The following ANGPT1 variants were observed in gnomAD, a reference collection of about 807,000 sequenced individuals.
ANGPT1 encodes angiopoietin-1.
A neutral mutation model predicts 62.2 loss-of-function variants in ANGPT1; 17 were observed. The ratio of observed to expected loss-of-function variants is 0.27; its 90% CI spans 0.19 to 0.41. The LOEUF (loss-of-function observed/expected upper bound fraction) is 0.41, where lower values mean the gene tolerates loss of function less well. ANGPT1 is among the 10% of genes least tolerant of loss of function. The pLI is 1.00. For synonymous variants in ANGPT1, 199 were observed against 198.9 expected (o/e 1.00, Z 0.00); for missense variants, 478 against 594.9 (o/e 0.80, Z 2.04).
intron 7 of ANGPT1, among the ~76,000 whole-genome samples, chr8:107,280,864 T>G (rs1031659658): frequency 6.6e-6 from 1 of 152,120 alleles, no homozygotes; most frequent in Non-Finnish European, 1.5e-5. Context: ...ATGGAAGATA[T>G]ATATGAGAGT....
At chr8:107,417,346 C>G (rs1176794227) in intron 1 of ANGPT1, among the ~76,000 whole-genome samples, 3 of 152,016 alleles carry the variant, frequency 2.0e-5, no homozygotes, top group Admixed American at 6.6e-5. Context: ...ATGGGAAGGC[C>G]AGTTAGGGGC....
At chr8:107,449,400 G>GCGCA (rs111897179) in intron 1 of ANGPT1, among the ~76,000 whole-genome samples, 19 of 148,106 alleles carry the variant, frequency 1.3e-4, no homozygotes, top group Non-Finnish European at 2.7e-4. Flanking sequence ...ACACACACAT[G>GCGCA]CACACACACA....
At chr8:107,480,857 C>A (rs1346951168) in intron 1 of ANGPT1, among the ~76,000 whole-genome samples, 1 of 152,094 alleles carries the variant, frequency 6.6e-6, no homozygotes, top group Non-Finnish European at 1.5e-5. Context: ...CCAATATGAT[C>A]CTGAAGATAA....
chr8:107,348,803 G>A (rs962012515), intron 1 of ANGPT1, among the ~76,000 whole-genome samples: 3 of 152,176 alleles, frequency 2.0e-5, no homozygotes, highest in East Asian at 3.9e-4. Context: ...TTATCGTTTT[G>A]CCCTTCGGAA....
chr8:107,302,467 A>G (rs1814615266), intron 5 of ANGPT1, among the ~76,000 whole-genome samples: 1 of 151,928 alleles, frequency 6.6e-6, no homozygotes. Context: ...TTCTATCACT[A>G]TACTTATTGA....
chr8:107,432,393 G>A (rs570124767), intron 1 of ANGPT1, among the ~76,000 whole-genome samples: 4 of 152,246 alleles, frequency 2.6e-5, no homozygotes, highest in South Asian at 2.1e-4. Flanking sequence ...GGCTGGGCAC[G>A]GTGGCTCACG....
intron 2 of ANGPT1, chr8:107,336,532 G>A: frequency 1.3e-5 from 4 of 303,846 alleles, no homozygotes; most frequent in Non-Finnish European, 2.2e-5. Flanking sequence ...GGGCGTGGTA[G>A]CGGGCGCCTG....
At chr8:107,446,490 A>T (rs1811624172) in intron 1 of ANGPT1, among the ~76,000 whole-genome samples, 1 of 152,194 alleles carries the variant, frequency 6.6e-6, no homozygotes, top group Non-Finnish European at 1.5e-5. Context: ...TGGGGCTATC[A>T]GGAAAATTGA....
At chr8:107,440,191 T>C (rs1340844567) in intron 1 of ANGPT1, among the ~76,000 whole-genome samples, 1 of 152,116 alleles carries the variant, frequency 6.6e-6, no homozygotes, top group African/African-American at 2.4e-5. Flanking sequence ...GGGTGGTACA[T>C]AAAATTGAGG....
At chr8:107,264,111 C>T (rs1813558634) in intron 8 of ANGPT1, 110 bp downstream of exon 8, 6 of 1,334,852 alleles carry the variant, frequency 4.5e-6, no homozygotes, top group Non-Finnish European at 5.0e-6. Flanking sequence ...TCTCTAGGGA[C>T]TTGCTCTTAA....
chr8:107,494,175 C>A (rs1813034662), intron 1 of ANGPT1, among the ~76,000 whole-genome samples: 1 of 151,992 alleles, frequency 6.6e-6, no homozygotes, highest in Non-Finnish European at 1.5e-5. Context: ...CTAAGGATTC[C>A]CCAAATCTTA....
Position 107,321,781 on chromosome 8 carries a change from T to G in ANGPT1, c.808+115A>C. Reference sequence around the variant, plus strand: ...TTCATAAATGATTCTAACCATAAAGTTCTTCTGCTATTTTTTACACAGCAA... The same window carrying G: ...TTCATAAATGATTCTAACCATAAAGGTCTTCTGCTATTTTTTACACAGCAA... On this transcript the variant is annotated intron_variant, in intron 4 of 8. Transcript: ENST00000517746. The G allele has an allele frequency of 3.9e-6, 3 of 775,956 alleles. No individual in the cohort carries two copies. The South Asian group carries it at 6.6e-5, about 17-fold the overall frequency. 48.1% of individuals were successfully genotyped at this position (775,956 alleles called of 1,614,324 possible). A position where few individuals can be genotyped will look rare whatever the true frequency, so the allele number is the denominator to read the frequency against.
intron 4 of ANGPT1, among the ~76,000 whole-genome samples, chr8:107,317,631 TTTA>T (rs759571230): frequency 1.8e-5 from 1 of 54,730 alleles, no homozygotes; most frequent in Non-Finnish European, 3.2e-5. Flanking sequence ...TATTTTTATT[TTTA>T]TTTTTTTTTT....
chr8:107,397,935 A>G (rs1478302170), intron 1 of ANGPT1, among the ~76,000 whole-genome samples: 1 of 152,204 alleles, frequency 6.6e-6, no homozygotes, highest in East Asian at 1.9e-4. Context: ...GTTTCCTATG[A>G]TTCAAATACC....
intron 1 of ANGPT1, among the ~76,000 whole-genome samples, chr8:107,474,129 A>C (rs1473207745): frequency 6.6e-6 from 1 of 152,162 alleles, no homozygotes; most frequent in Non-Finnish European, 1.5e-5. Flanking sequence ...ACAGAGACAC[A>C]ACAAAAAAAG....
chr8:107,296,723 C>T (rs986966454), intron 5 of ANGPT1, among the ~76,000 whole-genome samples: 1 of 152,038 alleles, frequency 6.6e-6, no homozygotes, highest in African/African-American at 2.4e-5. Flanking sequence ...TTTTATCGTG[C>T]CCTGACTTGT....
chr8:107,278,626 T>C (rs764102836), intron 7 of ANGPT1, among the ~76,000 whole-genome samples: 3 of 152,284 alleles, frequency 2.0e-5, no homozygotes, highest in Non-Finnish European at 4.4e-5. Flanking sequence ...AGTGAAGCAG[T>C]GGCCTGACTC....
Position 107,361,831 on chromosome 8 carries a change from G to A in ANGPT1, c.298-14734C>T, listed in dbSNP as rs150769681. The stretch of plus-strand genomic sequence containing the variant: ...CCCAGCATTTTGGAAGGCCAAGACA[G>A]GCAGATCACCTGAGGTCAGGAGTTC... On this transcript the variant is annotated intron_variant, in intron 1 of 8. Transcript: ENST00000517746. 3.5e-4 allele frequency among the ~76,000 whole-genome samples: 53 copies of A among 152,116 alleles called. No homozygotes were observed. In the East Asian group the frequency reaches 9.9e-3, roughly 28 times the overall value.
At chr8:107,405,676 T>C (rs1327145930) in intron 1 of ANGPT1, among the ~76,000 whole-genome samples, 1 of 151,938 alleles carries the variant, frequency 6.6e-6, no homozygotes, top group Non-Finnish European at 1.5e-5. Context: ...AAATCAGAAA[T>C]CTGAAACGCT....
Sources: allele counts gnomAD v4.1 joint callset (sites outside exome capture counted in the v4.1 genomes callset), GRCh38; gene constraint gnomAD v4.1.1; transcripts MANE v1.5; gene names NCBI Gene and HGNC (gene_info 2026-07-23, HGNC 2026-07-21).